ROBO1: variants seen among roughly 807,000 people sequenced by gnomAD.
ROBO1 encodes the protein roundabout homolog 1.
Under a neutral mutation model 195.9 loss-of-function variants are expected in ROBO1, and 149 were observed. The ratio of observed to expected loss-of-function variants is 0.76; its 90% CI spans 0.67 to 0.87. The LOEUF (loss-of-function observed/expected upper bound fraction) is 0.87, where lower values mean the gene tolerates loss of function less well. ROBO1 is among the 40% of genes least tolerant of loss of function. The probability of loss-of-function intolerance (pLI) is 0.00; values close to 1 mark genes in which losing one functional copy is unlikely to be tolerated. For missense variants in ROBO1, 1,933 were observed against 2,068.3 expected, an observed-to-expected ratio of 0.93 and a Z score of 1.27; for synonymous variants, 816 against 733.2, an observed-to-expected ratio of 1.11 and a Z score of -1.82.
chr3:79,231,708 C>T (rs2082324434), intron 2 of ROBO1, among the ~76,000 whole-genome samples: 1 of 152,150 alleles, frequency 6.6e-6, no homozygotes. Context: ...AATCCCATTA[C>T]TGGGTATATA....
intron 2 of ROBO1, among the ~76,000 whole-genome samples, chr3:79,472,669 C>A (rs947274381): frequency 6.6e-6 from 1 of 152,012 alleles, no homozygotes; most frequent in Admixed American, 6.6e-5. Flanking sequence ...ATTCGAAAAC[C>A]AATTTTATTT....
intron 4 of ROBO1, among the ~76,000 whole-genome samples, chr3:78,876,582 T>C (rs1159012911): frequency 2.0e-5 from 3 of 152,158 alleles, no homozygotes; most frequent in African/African-American, 4.8e-5. Flanking sequence ...CAATGTGAGA[T>C]AAAGTAAAAC....
At chr3:79,101,469 A>G (rs981188703) in intron 3 of ROBO1, among the ~76,000 whole-genome samples, 1 of 151,856 alleles carries the variant, frequency 6.6e-6, no homozygotes, top group African/African-American at 2.4e-5. Context: ...GGATGAATTA[A>G]TAATGAATGT....
chr3:78,766,530 G>T (rs190980408), intron 4 of ROBO1, among the ~76,000 whole-genome samples: 33 of 152,192 alleles, frequency 2.2e-4, no homozygotes, highest in Non-Finnish European at 4.3e-4. Context: ...AGACTTTACG[G>T]TTTTTTTAGG....
intron 4 of ROBO1, among the ~76,000 whole-genome samples, chr3:78,756,640 T>C (rs2082939537): frequency 1.3e-5 from 2 of 152,138 alleles, no homozygotes; most frequent in Non-Finnish European, 2.9e-5. Context: ...CTCTCCTTTG[T>C]GTGTGCGTGT....
At chr3:78,841,751 TAA>T (rs2033220629) in intron 4 of ROBO1, among the ~76,000 whole-genome samples, 1 of 152,106 alleles carries the variant, frequency 6.6e-6, no homozygotes, top group Non-Finnish European at 1.5e-5. Context: ...CCAATTTCCC[TAA>T]TATATGAAGA....
chr3:78,713,101 T>C (rs983360916), intron 8 of ROBO1, among the ~76,000 whole-genome samples: 2 of 152,196 alleles, frequency 1.3e-5, no homozygotes, highest in African/African-American at 4.8e-5. Flanking sequence ...TTCTTAGTTT[T>C]AGCCTTACTT....
intron 1 of ROBO1, among the ~76,000 whole-genome samples, chr3:79,715,720 G>A (rs1206003752): frequency 6.6e-6 from 1 of 152,002 alleles, no homozygotes; most frequent in East Asian, 1.9e-4. Context: ...TATGCTATGT[G>A]CCGTGTATTT....
intron 2 of ROBO1, among the ~76,000 whole-genome samples, chr3:79,459,033 A>G (rs1440931483): frequency 6.6e-6 from 1 of 152,190 alleles, no homozygotes; most frequent in Non-Finnish European, 1.5e-5. Flanking sequence ...ATGCTAACTT[A>G]TTAAACGTTT....
At chr3:79,417,765 T>C (rs543232213) in intron 2 of ROBO1, among the ~76,000 whole-genome samples, 1 of 152,284 alleles carries the variant, frequency 6.6e-6, no homozygotes, top group African/African-American at 2.4e-5. Flanking sequence ...TTTGCACAAT[T>C]GCATTCTAAT....
chr3:79,511,462 A>G (rs1940701652), intron 2 of ROBO1, among the ~76,000 whole-genome samples: 2 of 152,148 alleles, frequency 1.3e-5, no homozygotes, highest in Non-Finnish European at 2.9e-5. Context: ...CTGGTTGTCT[A>G]ATTCAGTTCT....
chr3:79,016,079 A>G (rs2077925079), intron 3 of ROBO1, among the ~76,000 whole-genome samples: 1 of 152,230 alleles, frequency 6.6e-6, no homozygotes, highest in Non-Finnish European at 1.5e-5. Context: ...GGGGCAAGAC[A>G]TGAAACACAA....
chr3:79,695,888 T>C (rs1947432608), intron 1 of ROBO1, among the ~76,000 whole-genome samples: 1 of 151,458 alleles, frequency 6.6e-6, no homozygotes, highest in Non-Finnish European at 1.5e-5. Flanking sequence ...AAATAATATA[T>C]CTTTAGAAAG....
chr3:79,388,300 T>C (rs2106682760), intron 2 of ROBO1, among the ~76,000 whole-genome samples: 1 of 152,158 alleles, frequency 6.6e-6, no homozygotes, highest in Non-Finnish European at 1.5e-5. Flanking sequence ...AATTTGTTTT[T>C]TCATATAATT....
At chr3:78,809,270 C>T (rs783451) in intron 4 of ROBO1, among the ~76,000 whole-genome samples, 1 of 151,904 alleles carries the variant, frequency 6.6e-6, no homozygotes, top group Non-Finnish European at 1.5e-5. Context: ...ATTAGAGAAA[C>T]GCAAATCAAA....
intron 10 of ROBO1, among the ~76,000 whole-genome samples, chr3:78,675,437 A>C (rs1275220224): frequency 2.6e-5 from 4 of 152,140 alleles, no homozygotes; most frequent in Non-Finnish European, 5.9e-5. Flanking sequence ...GACAGACGGC[A>C]CCTGGAAAAT....
At chr3:79,724,770 T>C (rs1702846689) in intron 1 of ROBO1, among the ~76,000 whole-genome samples, 1 of 152,218 alleles carries the variant, frequency 6.6e-6, no homozygotes. Context: ...TCACAGAAAG[T>C]GTGAGATAAA....
intron 3 of ROBO1, among the ~76,000 whole-genome samples, chr3:78,963,575 G>C (rs1470744298): frequency 7.9e-6 from 1 of 126,912 alleles, no homozygotes; most frequent in Non-Finnish European, 1.6e-5. Context: ...CTGGAGTGCA[G>C]TGGCGCGATC....
intron 26 of ROBO1, among the ~76,000 whole-genome samples, chr3:78,625,120 C>A (rs980452710): frequency 6.6e-6 from 1 of 152,086 alleles, no homozygotes; most frequent in African/African-American, 2.4e-5. Context: ...AACAGAAAAA[C>A]AGAGAAGAAA....
Sources: allele counts gnomAD v4.1 joint callset (sites outside exome capture counted in the v4.1 genomes callset), GRCh38; gene constraint gnomAD v4.1.1; transcripts MANE v1.5; gene names NCBI Gene and HGNC (gene_info 2026-07-23, HGNC 2026-07-21).